Variants in RAB6A observed in about 807,000 individuals in gnomAD.
The protein encoded by RAB6A is ras-related protein Rab-6A.
In RAB6A, 8 loss-of-function variants were observed where a neutral mutation model predicts 32.3. That is an observed-to-expected ratio of 0.25 (90% confidence interval 0.15 to 0.45). RAB6A has a LOEUF of 0.45. Among genes scored for constraint, RAB6A ranks in the 20% least tolerant of loss-of-function variants. The pLI, the probability that RAB6A is intolerant of heterozygous loss-of-function variation, is 1.00. For missense variants in RAB6A, 104 were observed against 249.4 expected (o/e 0.42, Z 3.93); for synonymous variants, 73 against 82.1 (o/e 0.89, Z 0.60).
chr11:73,747,244 C>G (rs1214764927), intron 1 of RAB6A, among the ~76,000 whole-genome samples: 21 of 150,764 alleles, frequency 1.4e-4, no homozygotes, highest in African/African-American at 4.9e-4. Flanking sequence ...CTTGCTCTGT[C>G]GCCCAGGCTG....
At chr11:73,695,031 T>A (rs567916016) in intron 6 of RAB6A, among the ~76,000 whole-genome samples, 5 of 151,960 alleles carry the variant, frequency 3.3e-5, no homozygotes, top group East Asian at 1.9e-4. Context: ...TAAAAAAAAA[T>A]TAAAAATAAA....
chr11:73,690,893 T>TAAA (rs34825000), intron 6 of RAB6A, among the ~76,000 whole-genome samples: 1 of 143,470 alleles, frequency 7.0e-6, no homozygotes, highest in Non-Finnish European at 1.5e-5. Context: ...TAGGAAACAT[T>TAAA]AAAAAAAAAA....
rs1456714652 is a variant in RAB6A, at chr11:73,741,940, G to A, written c.71-11117C>T. On this transcript the variant is annotated intron_variant, in intron 1 of 7. Coordinates refer to ENST00000336083, the MANE Select transcript of RAB6A (RefSeq NM_198896.2). The stretch of plus-strand genomic sequence containing the variant: ...TCTCCTGCCTCCAGGAGACATATAG[G>A]GACAAGAAGGGAATGTGATTTAAAA... Among the ~76,000 whole-genome samples, 3 of 151,978 alleles carry A rather than the reference G, an allele frequency of 2.0e-5. No homozygotes were observed. The South Asian group carries it at 6.2e-4, about 32-fold the overall frequency.
At chr11:73,703,208 G>C (rs374734209) in intron 6 of RAB6A, among the ~76,000 whole-genome samples, 63 of 152,164 alleles carry the variant, frequency 4.1e-4, no homozygotes, top group Middle Eastern at 3.4e-3. Flanking sequence ...CTATGTCTAA[G>C]GTGTAGTCAA....
At chr11:73,734,327 T>G (rs1265836614) in intron 1 of RAB6A, among the ~76,000 whole-genome samples, 7 of 152,104 alleles carry the variant, frequency 4.6e-5, no homozygotes, top group Admixed American at 3.3e-4. Context: ...AGTTTCACCA[T>G]GTTGGCCAGG....
intron 3 of RAB6A, among the ~76,000 whole-genome samples, chr11:73,720,180 C>CGT (rs376656727): frequency 7.7e-6 from 1 of 130,702 alleles, no homozygotes; most frequent in Admixed American, 8.2e-5. Flanking sequence ...ATACACATTA[C>CGT]TTTTTTTTTT....
At chr11:73,739,651 G>C (rs755422888) in intron 1 of RAB6A, among the ~76,000 whole-genome samples, 21 of 151,662 alleles carry the variant, frequency 1.4e-4, no homozygotes, top group South Asian at 4.2e-4. Context: ...GAAAACCGAG[G>C]GATATTAATT....
chr11:73,678,845 C>A (rs1945310167), intron 7 of RAB6A, among the ~76,000 whole-genome samples: 1 of 151,100 alleles, frequency 6.6e-6, no homozygotes. Context: ...CCTGCCTCAA[C>A]CTCCTTAGTA....
intron 6 of RAB6A, among the ~76,000 whole-genome samples, chr11:73,700,599 A>AGTGTGTGTGTGT (rs1555056743): frequency 1.2e-4 from 1 of 8,446 alleles, no homozygotes; most frequent in Non-Finnish European, 1.9e-4. Context: ...AAAAAAAAAA[A>AGTGTGTGTGTGT]GTGTGTGTGT....
At chr11:73,751,977 C>A (rs1946675676) in intron 1 of RAB6A, among the ~76,000 whole-genome samples, 1 of 152,100 alleles carries the variant, frequency 6.6e-6, no homozygotes, top group African/African-American at 2.4e-5. Flanking sequence ...GTGCTCACCT[C>A]TTAAATAGAA....
chr11:73,715,420 G>A (rs1751522663), intron 5 of RAB6A, among the ~76,000 whole-genome samples: 2 of 152,192 alleles, frequency 1.3e-5, no homozygotes, highest in East Asian at 1.9e-4. Context: ...CACCGCACCC[G>A]GCCTGTACTA....
At chr11:73,713,566 A>C (rs1293503311) in intron 5 of RAB6A, among the ~76,000 whole-genome samples, 1 of 21,012 alleles carries the variant, frequency 4.8e-5, no homozygotes, top group South Asian at 3.0e-3. Flanking sequence ...ACTCCGTCTC[A>C]AAAAAAAAAA....
At chr11:73,679,750 A>G (rs1349610130) in intron 6 of RAB6A, 30 bp from the exon 7 acceptor site, 1 of 1,612,834 alleles carries the variant, frequency 6.2e-7, no homozygotes, top group Non-Finnish European at 8.5e-7. Flanking sequence ...GTGATAACTG[A>G]GAGGGAACAT....
Position 73,714,209 on chromosome 11 carries a change from A to AAATATATAT in RAB6A, c.401+2041_401+2042insATATATATT, listed in dbSNP as rs35864471. On this transcript the variant is annotated intron_variant, in intron 5 of 7. Coordinates refer to ENST00000336083, the MANE Select transcript of RAB6A (RefSeq NM_198896.2). ...CTCCATCTCAAAAAAAAAAAAAAAA[A>AAATATATAT]ATATATATATATATATATATACACA... Among the ~76,000 whole-genome samples the AAATATATAT allele has an allele frequency of 4.6e-3, 263 of 57,432 alleles. 1 individual carries two copies. The highest frequency in any genetic ancestry group is 0.011 in the Admixed American group (51 of 4,580). The allele number at this position is 57,432 out of a possible 152,430, so 37.7% of individuals were successfully genotyped here. A position where few individuals can be genotyped will look rare whatever the true frequency, so the allele number is the denominator to read the frequency against.
At chr11:73,731,850 T>G (rs553738087) in intron 1 of RAB6A, among the ~76,000 whole-genome samples, 2 of 150,654 alleles carry the variant, frequency 1.3e-5, no homozygotes, top group African/African-American at 4.9e-5. Flanking sequence ...CAACCGATTC[T>G]CCTGCCTCAG....
intron 4 of RAB6A, among the ~76,000 whole-genome samples, chr11:73,718,089 G>C (rs1946077960): frequency 6.6e-6 from 1 of 152,150 alleles, no homozygotes; most frequent in African/African-American, 2.4e-5. Context: ...ATCAGTCACA[G>C]AACCAAAATA....
chr11:73,703,265 G>T (rs750778407), intron 6 of RAB6A, among the ~76,000 whole-genome samples: 5 of 152,246 alleles, frequency 3.3e-5, no homozygotes, highest in Non-Finnish European at 7.4e-5. Context: ...CTTCTCTAGG[G>T]CTTGTTCAGT....
chr11:73,709,472 A>ATTATTATTTT (rs1555058158), intron 5 of RAB6A, among the ~76,000 whole-genome samples: 1 of 147,202 alleles, frequency 6.8e-6, no homozygotes, highest in African/African-American at 2.5e-5. Context: ...TACTATTATT[A>ATTATTATTTT]TTATGACTCG....
chr11:73,702,344 T>C (rs889669172), intron 6 of RAB6A, among the ~76,000 whole-genome samples: 2 of 152,158 alleles, frequency 1.3e-5, no homozygotes, highest in African/African-American at 4.8e-5. Context: ...AAAAAATTTT[T>C]CTACTTTTGT....
Sources: allele counts gnomAD v4.1 joint callset (sites outside exome capture counted in the v4.1 genomes callset), GRCh38; gene constraint gnomAD v4.1.1; transcripts MANE v1.5; gene names NCBI Gene and HGNC (gene_info 2026-07-23, HGNC 2026-07-21).